ASXL2: variants seen among roughly 807,000 people sequenced by gnomAD.
ASXL2 encodes the protein ASXL transcriptional regulator 2, also known as putative Polycomb group protein ASXL2.
Under a neutral mutation model 122.0 loss-of-function variants are expected in ASXL2, and 23 were observed. The observed-to-expected ratio is 0.19, with a 90% CI of 0.14 to 0.27. The LOEUF is 0.27. Among genes scored for constraint, ASXL2 ranks in the 10% least tolerant of loss-of-function variants. The pLI is 1.00. For missense variants in ASXL2, 1,518 were observed against 1,713.8 expected, an observed-to-expected ratio of 0.89 and a Z score of 2.02; for synonymous variants, 650 against 637.0, an observed-to-expected ratio of 1.02 and a Z score of -0.31.
At chr2:25,860,781 G>C (rs2089836076) in intron 1 of ASXL2, among the ~76,000 whole-genome samples, 1 of 148,734 alleles carries the variant, frequency 6.7e-6, no homozygotes, top group Non-Finnish European at 1.5e-5. Flanking sequence ...CGGAGGCCGA[G>C]GCTGGTGATC....
At chr2:25,764,233 A>C (rs1378657853) in intron 8 of ASXL2, among the ~76,000 whole-genome samples, 1 of 152,180 alleles carries the variant, frequency 6.6e-6, no homozygotes, top group Admixed American at 6.5e-5. Flanking sequence ...TTGGTTTTTA[A>C]TTTCACTAAA....
chr2:25,799,248 A>C, intron 5 of ASXL2, 137 bp downstream of exon 5: 1 of 1,186,290 alleles, frequency 8.4e-7, no homozygotes, highest in Non-Finnish European at 1.2e-6. Flanking sequence ...CATTGCAGAA[A>C]ACTCTCCTTG....
chr2:25,768,025 T>C (rs915592393), intron 7 of ASXL2, among the ~76,000 whole-genome samples: 1 of 152,156 alleles, frequency 6.6e-6, no homozygotes, highest in Non-Finnish European at 1.5e-5. Context: ...AATTATGTAA[T>C]ACAATACAGA....
intron 4 of ASXL2, among the ~76,000 whole-genome samples, chr2:25,805,957 G>A (rs1451325710): frequency 6.6e-6 from 1 of 152,172 alleles, no homozygotes; most frequent in Non-Finnish European, 1.5e-5. Context: ...GATTACAGGC[G>A]TGAGCCACCA....
intron 5 of ASXL2, among the ~76,000 whole-genome samples, chr2:25,788,745 C>T (rs896182479): frequency 2.6e-5 from 4 of 152,070 alleles, no homozygotes; most frequent in African/African-American, 9.7e-5. Flanking sequence ...TTGTGCAATG[C>T]TTGTTCTAGT....
chr2:25,818,976 A>G (rs2089274423), intron 3 of ASXL2, among the ~76,000 whole-genome samples: 1 of 152,206 alleles, frequency 6.6e-6, no homozygotes, highest in Non-Finnish European at 1.5e-5. Context: ...TCCTCGCTTG[A>G]TGACTCTTCC....
intron 1 of ASXL2, among the ~76,000 whole-genome samples, chr2:25,877,579 C>T (rs1238122016): frequency 6.6e-6 from 1 of 152,146 alleles, no homozygotes; most frequent in African/African-American, 2.4e-5. Context: ...ACAAGTCCCA[C>T]CTGTTACTTC....
intron 1 of ASXL2, among the ~76,000 whole-genome samples, chr2:25,851,162 A>G (rs2089712907): frequency 1.4e-5 from 2 of 139,444 alleles, no homozygotes; most frequent in South Asian, 2.2e-4. Context: ...AAAAAAAAAA[A>G]GAAAGAAAGA....
At chr2:25,749,068 A>AAAGT (rs1331612532) in intron 12 of ASXL2, among the ~76,000 whole-genome samples, 1 of 152,116 alleles carries the variant, frequency 6.6e-6, no homozygotes, top group Non-Finnish European at 1.5e-5. Flanking sequence ...AGAAAAGGGT[A>AAAGT]AACTCAAATA....
At chr2:25,843,339 A>G (rs948018735) in intron 2 of ASXL2, among the ~76,000 whole-genome samples, 2 of 148,308 alleles carry the variant, frequency 1.3e-5, no homozygotes, top group Non-Finnish European at 3.0e-5. Context: ...GGGTTTTACC[A>G]TGTTGCCCAG....
intron 3 of ASXL2, among the ~76,000 whole-genome samples, chr2:25,835,214 G>A (rs1454447682): frequency 6.6e-6 from 1 of 152,086 alleles, no homozygotes; most frequent in Non-Finnish European, 1.5e-5. Context: ...CATGTTTCCA[G>A]TCTACTAAAT....
intron 2 of ASXL2, among the ~76,000 whole-genome samples, chr2:25,842,123 G>GAAAAAAAAAAA (rs1360334756): frequency 8.5e-6 from 1 of 117,472 alleles, no homozygotes; most frequent in Non-Finnish European, 1.9e-5. Flanking sequence ...AAAAAAAAAA[G>GAAAAAAAAAAA]AAAAAAAAAA....
chr2:25,792,210 C>A (rs1449413759), intron 5 of ASXL2, among the ~76,000 whole-genome samples: 2 of 152,158 alleles, frequency 1.3e-5, no homozygotes, highest in African/African-American at 2.4e-5. Context: ...CTATATTGCC[C>A]AGGCTGGCCT....
rs187909435 is a variant in ASXL2 at position 25,868,510 on chromosome 2, G to A, written c.57+9656C>T. The stretch of plus-strand genomic sequence containing the variant: ...TGCCCAAGATGAACTAACTACATTC[G>A]CATTTACCGTTAACCAATTTTAGTT... On this transcript the variant is annotated intron_variant, in intron 1 of 12. Transcript: ENST00000435504. 2.0e-3 allele frequency among the ~76,000 whole-genome samples: 303 copies of A among 152,242 alleles called. 1 individual carries two copies. Among genetic ancestry groups the A allele is most frequent in the African/African-American group, 7.0e-3 (292 of 41,502 alleles).
intron 3 of ASXL2, among the ~76,000 whole-genome samples, chr2:25,827,671 C>T (rs1357160992): frequency 1.3e-5 from 2 of 152,158 alleles, no homozygotes; most frequent in Non-Finnish European, 2.9e-5. Context: ...TTTTCCTCCC[C>T]AAAATACACC....
chr2:25,847,663 A>G (rs1473000755), intron 1 of ASXL2, among the ~76,000 whole-genome samples: 1 of 152,224 alleles, frequency 6.6e-6, no homozygotes, highest in Non-Finnish European at 1.5e-5. Flanking sequence ...AAGTACTGAA[A>G]ATAAACAAAA....
rs1254165296 is a variant in ASXL2 at position 25,738,981 on chromosome 2, T to C, written c.*3048A>G. On this transcript the variant is annotated 3_prime_UTR_variant, in exon 13 of 13. Coordinates refer to ENST00000435504, the MANE Select transcript of ASXL2 (RefSeq NM_018263.6). Reference sequence around the variant, plus strand: ...CTATTTGGCTTTACTTTCTGTTTAATAGGATGGAGAATTCTAATTCTCCAA... The same window carrying C: ...CTATTTGGCTTTACTTTCTGTTTAACAGGATGGAGAATTCTAATTCTCCAA... 1 of 152,184 alleles carries C rather than the reference T, an allele frequency of 6.6e-6. No individual in the cohort carries two copies. The highest frequency in any genetic ancestry group is 1.5e-5 in the Non-Finnish European group (1 of 68,022). 9.4% of individuals were successfully genotyped at this position (152,184 alleles called of 1,614,324 possible).
At chr2:25,822,192 T>C (rs1471737333) in intron 3 of ASXL2, among the ~76,000 whole-genome samples, 6 of 152,146 alleles carry the variant, frequency 3.9e-5, no homozygotes, top group Admixed American at 2.6e-4. Context: ...CTCTTTACTC[T>C]GCAAGGTTTT....
intron 9 of ASXL2, among the ~76,000 whole-genome samples, chr2:25,759,081 A>T (rs1343849396): frequency 6.6e-6 from 1 of 151,824 alleles, no homozygotes; most frequent in East Asian, 1.9e-4. Flanking sequence ...CAGCCTCCCG[A>T]GTAGCTGGGA....
Sources: allele counts gnomAD v4.1 joint callset (sites outside exome capture counted in the v4.1 genomes callset), GRCh38; gene constraint gnomAD v4.1.1; transcripts MANE v1.5; gene names NCBI Gene and HGNC (gene_info 2026-07-23, HGNC 2026-07-21).